QSOX1: variants seen among roughly 807,000 people sequenced by gnomAD.
QSOX1 encodes the protein sulfhydryl oxidase 1.
In QSOX1, 40 loss-of-function variants were observed where a neutral mutation model predicts 76.1. The ratio of observed to expected loss-of-function variants is 0.53; its 90% CI spans 0.41 to 0.68. The LOEUF is 0.68. Among genes scored for constraint, QSOX1 ranks in the 30% least tolerant of loss-of-function variants. The probability of loss-of-function intolerance (pLI) is 0.00; values close to 1 mark genes in which losing one functional copy is unlikely to be tolerated. For missense variants in QSOX1, 931 were observed against 974.3 expected (o/e 0.96, Z 0.59); for synonymous variants, 392 against 413.1 (o/e 0.95, Z 0.62).
Position 180,196,980 on chromosome 1 carries a change from C to T in QSOX1, c.2187C>T (p.Thr729=). The T allele has an allele frequency of 1.2e-6, 2 of 1,612,434 alleles. No homozygotes were observed. Among genetic ancestry groups the T allele is most frequent in the South Asian group, 1.1e-5 (1 of 90,890 alleles). The part of the protein sequence containing the change: ...LSFMGLLAMY[T]YFQAKIRALK... ...TCATGGGCCTGCTGGCCATGTACAC[C>T]TACTTCCAGGCCAAGATAAGGGCCC... Residue 729 remains threonine (T), a synonymous_variant, in exon 12 of 12, where the codon ACC becomes ACT. Coordinates refer to ENST00000367602, the MANE Select transcript of QSOX1 (RefSeq NM_002826.5). This position sits in a 1 kb window ranked among gnomAD's most constrained non-coding sequence, Gnocchi z 4.1.
chr1:180,177,805 G>A (rs1181103041), intron 4 of QSOX1, among the ~76,000 whole-genome samples: 1 of 152,188 alleles, frequency 6.6e-6, no homozygotes, highest in East Asian at 1.9e-4. Context: ...CACCTGTCTA[G>A]CATATCCATT....
chr1:180,170,265 G>C (rs951637043), intron 2 of QSOX1, among the ~76,000 whole-genome samples: 1 of 152,158 alleles, frequency 6.6e-6, no homozygotes, highest in South Asian at 2.1e-4. Context: ...GTCTCTCTCT[G>C]GAAAAAGGAG....
At chr1:180,195,148 C>G (rs1369728129) in intron 11 of QSOX1, among the ~76,000 whole-genome samples, 2 of 152,156 alleles carry the variant, frequency 1.3e-5, no homozygotes, top group Non-Finnish European at 2.9e-5. Flanking sequence ...CCCACCCCGC[C>G]CCTGCCACCA....
intron 1 of QSOX1, among the ~76,000 whole-genome samples, chr1:180,161,909 A>T (rs1024075599): frequency 6.6e-6 from 1 of 152,330 alleles, no homozygotes; most frequent in South Asian, 2.1e-4. Flanking sequence ...GGTACTTATC[A>T]GAGACGTTTC....
chr1:180,182,548 C>T (rs1663067880), intron 6 of QSOX1, among the ~76,000 whole-genome samples: 1 of 152,140 alleles, frequency 6.6e-6, no homozygotes, highest in South Asian at 2.1e-4. Flanking sequence ...AGGCCTCAGC[C>T]CCCCGCACCC....
intron 1 of QSOX1, among the ~76,000 whole-genome samples, chr1:180,161,007 G>A (rs1662482242): frequency 6.6e-6 from 1 of 152,050 alleles, no homozygotes; most frequent in Non-Finnish European, 1.5e-5. Context: ...AATAACAGAT[G>A]TACTATAGTT....
intron 11 of QSOX1, among the ~76,000 whole-genome samples, chr1:180,195,480 C>T (rs3753796): frequency 0.066 from 9,982 of 152,240 alleles, 454 homozygotes; most frequent in East Asian, 0.22. Context: ...CTATTAAAAC[C>T]TTTAGGAGAA....
rs1663535508 is a variant in QSOX1, at chr1:180,197,687, C to T, written c.*650C>T. 8.3e-6 allele frequency: 3 copies of T among 360,532 alleles called. No homozygotes were observed. Among genetic ancestry groups the T allele is most frequent in the Non-Finnish European group, 5.2e-6 (1 of 193,320 alleles). 22.3% of individuals were successfully genotyped at this position (360,532 alleles called of 1,614,324 possible). A position where few individuals can be genotyped will look rare whatever the true frequency, so the allele number is the denominator to read the frequency against. Reference sequence around the variant, plus strand: ...GCTGGGCTGTAGGGTGAGTGGCTTGCTTGGTGGGACCTGACGAGTTGGTGG... The same window carrying T: ...GCTGGGCTGTAGGGTGAGTGGCTTGTTTGGTGGGACCTGACGAGTTGGTGG... On this transcript the variant is annotated 3_prime_UTR_variant, in exon 12 of 12. Transcript: ENST00000367602.
chr1:180,159,260 G>T (rs1258551086), intron 1 of QSOX1, among the ~76,000 whole-genome samples: 1 of 152,244 alleles, frequency 6.6e-6, no homozygotes, highest in African/African-American at 2.4e-5. Context: ...TTTCTCCCCA[G>T]TAGTAGAGCT....
At chr1:180,180,203 T>C (rs1283833252) in intron 5 of QSOX1, among the ~76,000 whole-genome samples, 1 of 152,228 alleles carries the variant, frequency 6.6e-6, no homozygotes, top group Admixed American at 6.5e-5. Context: ...GAGCTTTATA[T>C]TTATTTATTT....
At chr1:180,179,049 G>T (rs190016958) in intron 5 of QSOX1, among the ~76,000 whole-genome samples, 165 bp downstream of exon 5, 22 of 152,356 alleles carry the variant, frequency 1.4e-4, no homozygotes, top group Admixed American at 1.3e-3. Flanking sequence ...GCAGGAGCTG[G>T]ACCTTTGCGT....
In QSOX1 at chr1:180,196,141, G is replaced by A; in HGVS notation, c.1469-121G>A. Reference sequence around the variant, plus strand: ...GTATTTTCTAATTACCCATCCTCTGGAAGGGCAGTGGCGAGCCCTTTCTGC... The same window carrying A: ...GTATTTTCTAATTACCCATCCTCTGAAAGGGCAGTGGCGAGCCCTTTCTGC... On this transcript the variant is annotated intron_variant, in intron 11 of 11. Transcript: ENST00000367602. The surrounding 1 kb of genome is among the most constrained non-coding windows in gnomAD (Gnocchi z 4.1). 8.0e-7 allele frequency: 1 copy of A among 1,249,092 alleles called. No individual in the cohort carries two copies. Among genetic ancestry groups the A allele is most frequent in the Non-Finnish European group, 1.1e-6 (1 of 903,236 alleles). The allele number at this position is 1,249,092 out of a possible 1,614,324, so 77.4% of individuals were successfully genotyped here. A position where few individuals can be genotyped will look rare whatever the true frequency, so the allele number is the denominator to read the frequency against.
intron 2 of QSOX1, among the ~76,000 whole-genome samples, chr1:180,172,101 G>A (rs1485618193): frequency 7.2e-5 from 11 of 152,136 alleles, no homozygotes; most frequent in Non-Finnish European, 2.9e-5. Context: ...ATGGGGACAC[G>A]GGAAGGAAAT....
intron 5 of QSOX1, among the ~76,000 whole-genome samples, chr1:180,180,975 T>G (rs1484182621): frequency 6.6e-6 from 1 of 152,132 alleles, no homozygotes. Flanking sequence ...GTAAGGAAAT[T>G]TGGTCAGGGA....
chr1:180,186,365 C>G (rs537018814), intron 8 of QSOX1, among the ~76,000 whole-genome samples, 183 bp downstream of exon 8: 2 of 152,266 alleles, frequency 1.3e-5, no homozygotes, highest in Admixed American at 1.3e-4. Context: ...ATACCCCACA[C>G]CAGCCCCACA....
At chr1:180,192,820 A>T (rs1477766669) in intron 10 of QSOX1, among the ~76,000 whole-genome samples, 1 of 152,174 alleles carries the variant, frequency 6.6e-6, no homozygotes, top group African/African-American at 2.4e-5. Context: ...TCAGAGCTCA[A>T]GCTGTGGGAC....
At position 180,194,230 on chromosome 1, in the gene QSOX1, C is replaced by G; in HGVS notation, c.1306C>G (p.Leu436Val). Residue 436 changes from leucine (L) to valine (V), a missense_variant, in exon 11 of 12, where the codon CTC (leucine) becomes GTC (valine). Leu to Val is a conservative substitution (Grantham distance 32). Transcript: ENST00000367602. Reference protein sequence around the residue: ...SQEAAKAKEVLPAIRGYVHYF... With the variant: ...SQEAAKAKEVVPAIRGYVHYF... ...CCCTGTAGCCAAGGCCAAGGAGGTC[C>G]TCCCAGCCATCCGAGGCTACGTGCA... is the stretch of plus-strand genomic sequence containing the variant. The G allele has an allele frequency of 6.2e-7, 1 of 1,612,632 alleles. No individual in the cohort carries two copies. Among genetic ancestry groups the G allele is most frequent in the Non-Finnish European group, 8.5e-7 (1 of 1,179,382 alleles).
Position 180,198,704 on chromosome 1 carries a change from C to T in QSOX1, c.*1667C>T. ...GGACTCCCTCTCTGTGCCCCTGCTC[C>T]AGGCACCCATTGGCTCCATCCTCCT... On this transcript the variant is annotated 3_prime_UTR_variant, in exon 12 of 12. Transcript: ENST00000367602. 1 of 313,416 alleles carries T rather than the reference C, an allele frequency of 3.2e-6. No homozygotes were observed. Among genetic ancestry groups the T allele is most frequent in the Non-Finnish European group, 6.4e-6 (1 of 156,790 alleles). The allele number at this position is 313,416 out of a possible 1,614,324, so 19.4% of individuals were successfully genotyped here. A position where few individuals can be genotyped will look rare whatever the true frequency, so the allele number is the denominator to read the frequency against.
chr1:180,197,120 C>T lies in QSOX1; in HGVS notation c.*83C>T, dbSNP rs1663516208. 6.7e-7 allele frequency: 1 copy of T among 1,494,156 alleles called. No homozygotes were observed. The highest frequency in any genetic ancestry group is 8.9e-7 in the Non-Finnish European group (1 of 1,122,952). 92.6% of individuals were successfully genotyped at this position (1,494,156 alleles called of 1,614,324 possible). ...TGACCCCATTCCCTCCCCTCCCACC[C>T]CTTGCTCCTTGTCTGGCCTAGAAGT... On this transcript the variant is annotated 3_prime_UTR_variant, in exon 12 of 12. Coordinates refer to ENST00000367602, the MANE Select transcript of QSOX1 (RefSeq NM_002826.5).
Sources: allele counts gnomAD v4.1 joint callset (sites outside exome capture counted in the v4.1 genomes callset), GRCh38; gene constraint gnomAD v4.1.1; non-coding constraint Gnocchi (gnomAD v3.1); transcripts MANE v1.5; gene names NCBI Gene and HGNC (gene_info 2026-07-23, HGNC 2026-07-21).